Variants in DPP6 observed in about 807,000 individuals in gnomAD.
DPP6 encodes A-type potassium channel modulatory protein DPP6.
A neutral mutation model predicts 122.6 loss-of-function variants in DPP6; 69 were observed. The observed-to-expected ratio is 0.56, with a 90% CI of 0.46 to 0.69. The LOEUF (loss-of-function observed/expected upper bound fraction) is 0.69, where lower values mean the gene tolerates loss of function less well. Ranked by LOEUF, DPP6 falls within the 30% of genes least tolerant of loss-of-function variation. The pLI, the probability that DPP6 is intolerant of heterozygous loss-of-function variation, is 0.00. For missense variants in DPP6, 928 were observed against 1,116.9 expected, an observed-to-expected ratio of 0.83 and a Z score of 2.41; for synonymous variants, 418 against 433.1, an observed-to-expected ratio of 0.97 and a Z score of 0.43.
At chr7:154,798,731 T>C (rs28553465) in intron 12 of DPP6, among the ~76,000 whole-genome samples, 24,296 of 152,270 alleles carry the variant, frequency 0.16, 3,115 homozygotes, top group African/African-American at 0.35. Context: ...CTGTGAAGAT[T>C]GCAGCTCCAT....
At chr7:153,809,751 A>G in the DPP6 span, among the ~76,000 whole-genome samples, 1 of 150,880 alleles carries the variant, frequency 6.6e-6, no homozygotes, top group Admixed American at 6.6e-5. Context: ...GGTATGTATG[A>G]GCTCCACGAA....
At chr7:154,669,541 TGTG>T (rs1838420119) in intron 7 of DPP6, 100 bp downstream of exon 7, 4 of 56,768 alleles carry the variant, frequency 7.0e-5, no homozygotes, top group African/African-American at 9.1e-4. Context: ...CATGGTGTTG[TGTG>T]TGTGTGTGTG....
chr7:153,878,850 GA>G, the DPP6 span, among the ~76,000 whole-genome samples: 64 of 151,930 alleles, frequency 4.2e-4, no homozygotes, highest in East Asian at 0.011. Context: ...AAAATAGCAC[GA>G]AAAAATCTCT....
At chr7:154,289,134 G>C (rs536047070) in intron 1 of DPP6, among the ~76,000 whole-genome samples, 8 of 152,214 alleles carry the variant, frequency 5.3e-5, no homozygotes, top group African/African-American at 1.9e-4. Flanking sequence ...ATGAGAGAAG[G>C]GGGATGCTGG....
intron 17 of DPP6, among the ~76,000 whole-genome samples, chr7:154,864,535 G>A (rs1803688550): frequency 6.6e-6 from 1 of 152,152 alleles, no homozygotes; most frequent in Non-Finnish European, 1.5e-5. Context: ...GAAGTCAAAA[G>A]AAAAGTCCTT....
At chr7:154,162,892 C>A (rs1797052659) in intron 1 of DPP6, among the ~76,000 whole-genome samples, 1 of 146,544 alleles carries the variant, frequency 6.8e-6, no homozygotes, top group Admixed American at 6.8e-5. Flanking sequence ...ACCCAGAATG[C>A]ATGCATTGCT....
intron 5 of DPP6, among the ~76,000 whole-genome samples, chr7:154,619,338 T>G (rs1412298468): frequency 6.6e-6 from 1 of 152,226 alleles, no homozygotes; most frequent in African/African-American, 2.4e-5. Context: ...CGTTACCTAT[T>G]GCTGCCTTGT....
At chr7:154,416,267 C>T (rs181587479) in intron 1 of DPP6, among the ~76,000 whole-genome samples, 3 of 152,174 alleles carry the variant, frequency 2.0e-5, no homozygotes, top group Non-Finnish European at 2.9e-5. Flanking sequence ...ATCATCATGC[C>T]GATGATTCAG....
chr7:154,435,321 G>C (rs1818772307), intron 1 of DPP6, among the ~76,000 whole-genome samples: 2 of 152,136 alleles, frequency 1.3e-5, no homozygotes, highest in Admixed American at 1.3e-4. Flanking sequence ...CAAATTCATT[G>C]CACGTTCCTG....
chr7:154,660,440 A>T (rs1837570166), intron 6 of DPP6, among the ~76,000 whole-genome samples: 1 of 148,834 alleles, frequency 6.7e-6, no homozygotes, highest in Non-Finnish European at 1.5e-5. Context: ...ACCATGGCGT[A>T]TTGGCCCTAG....
At chr7:154,644,465 G>A (rs2130955547) in intron 6 of DPP6, among the ~76,000 whole-genome samples, 1 of 152,306 alleles carries the variant, frequency 6.6e-6, no homozygotes, top group Middle Eastern at 3.4e-3. Flanking sequence ...TCTGTAGGTA[G>A]TGAGTTCAGG....
At chr7:154,543,765 G>A (rs190861309) in intron 4 of DPP6, among the ~76,000 whole-genome samples, 210 of 152,160 alleles carry the variant, frequency 1.4e-3, no homozygotes, top group African/African-American at 3.5e-3. Context: ...AGGCCAAGGC[G>A]GGTGGATCAC....
At chr7:154,423,985 A>T (rs761562368) in intron 1 of DPP6, among the ~76,000 whole-genome samples, 46 of 152,318 alleles carry the variant, frequency 3.0e-4, no homozygotes, top group Non-Finnish European at 5.6e-4. Flanking sequence ...TGTTCCTCCT[A>T]TGGAAAAAAT....
Position 154,694,150 on chromosome 7 carries a change from C to T in DPP6, c.762+24709C>T, listed in dbSNP as rs183544149. Among the ~76,000 whole-genome samples, 754 of 152,196 alleles carry T rather than the reference C, an allele frequency of 5.0e-3. 7 individuals carry two copies. Among genetic ancestry groups the T allele is most frequent in the African/African-American group, 0.017 (722 of 41,500 alleles). ...TCGCTTGGTGGAAGGGACAAGGGACCCCTCTGTGTTGTCTTTTGTAAGGGC... is the reference window on the plus strand; with the variant it reads ...TCGCTTGGTGGAAGGGACAAGGGACTCCTCTGTGTTGTCTTTTGTAAGGGC... On this transcript the variant is annotated intron_variant, in intron 7 of 25. Coordinates refer to ENST00000377770, the MANE Select transcript of DPP6 (RefSeq NM_130797.4).
chr7:154,780,253 T>C (rs1390997933), intron 10 of DPP6, among the ~76,000 whole-genome samples: 1 of 152,202 alleles, frequency 6.6e-6, no homozygotes, highest in Non-Finnish European at 1.5e-5. Flanking sequence ...ATTCACAAAG[T>C]TCCTGTTGAT....
At chr7:153,989,166 C>G (rs1797009617) in intron 1 of DPP6, among the ~76,000 whole-genome samples, 2 of 143,006 alleles carry the variant, frequency 1.4e-5, no homozygotes, top group African/African-American at 2.6e-5. Context: ...TGTGGGTGAG[C>G]GTGTGCGGGA....
chr7:153,764,207 T>C, the DPP6 span, among the ~76,000 whole-genome samples: 3 of 152,148 alleles, frequency 2.0e-5, no homozygotes, highest in African/African-American at 7.2e-5. Flanking sequence ...AAACTTTTCC[T>C]CTCTCTGAGC....
At chr7:154,846,026 C>T (rs1463059370) in intron 16 of DPP6, among the ~76,000 whole-genome samples, 3 of 152,004 alleles carry the variant, frequency 2.0e-5, no homozygotes, top group African/African-American at 7.2e-5. Context: ...TGTGGAGATA[C>T]GGACTCATCC....
chr7:154,676,863 C>T lies in DPP6; in HGVS notation c.762+7422C>T, dbSNP rs554823255. ...AAAGGCTGCTGTGACACTTTTGCAA[C>T]ATGGCTTACATCTCTGTGAGAACTT... On this transcript the variant is annotated intron_variant, in intron 7 of 25. Transcript: ENST00000377770. 2.0e-5 allele frequency among the ~76,000 whole-genome samples: 3 copies of T among 152,356 alleles called. No individual in the cohort carries two copies. The South Asian group carries it at 6.2e-4, about 32-fold the overall frequency.
Sources: gnomAD v4.1 joint callset for allele counts (sites outside exome capture counted in the v4.1 genomes callset) on GRCh38, gnomAD v4.1.1 for gene constraint, MANE v1.5 for transcripts, NCBI Gene and HGNC (gene_info 2026-07-23, HGNC 2026-07-21) for gene names.